RASGRF2: variants seen among roughly 807,000 people sequenced by gnomAD.
The protein encoded by RASGRF2 is ras-specific guanine nucleotide-releasing factor 2.
RASGRF2 carries 76 observed loss-of-function variants against 151.0 expected under a neutral mutation model. That is an observed-to-expected ratio of 0.50 (90% confidence interval 0.42 to 0.61). The LOEUF (loss-of-function observed/expected upper bound fraction) is 0.61. RASGRF2 is among the 20% of genes least tolerant of loss of function. RASGRF2 has a pLI of 0.00. For synonymous variants in RASGRF2, 504 were observed against 566.5 expected (o/e 0.89, Z 1.57); for missense variants, 1,148 against 1,564.6 (o/e 0.73, Z 4.49).
At chr5:81,212,232 TA>T in intron 22 of RASGRF2, 133 bp from the exon 23 acceptor site, 1 of 601,464 alleles carries the variant, frequency 1.7e-6, no homozygotes, top group Non-Finnish European at 2.9e-6. Flanking sequence ...AGTTGGTATC[TA>T]AATGTAGAAT....
chr5:81,084,501 G>A (rs1360264854), intron 7 of RASGRF2, among the ~76,000 whole-genome samples: 3 of 152,138 alleles, frequency 2.0e-5, no homozygotes, highest in East Asian at 1.9e-4. Flanking sequence ...ACCCTTCCAC[G>A]ATGAAGGGGG....
At chr5:81,075,654 C>T (rs1751916452) in intron 5 of RASGRF2, among the ~76,000 whole-genome samples, 1 of 152,088 alleles carries the variant, frequency 6.6e-6, no homozygotes, top group Non-Finnish European at 1.5e-5. Flanking sequence ...TTACTGTTTA[C>T]TAAATGGTAA....
chr5:81,063,007 G>C (rs1160036190), intron 2 of RASGRF2, among the ~76,000 whole-genome samples: 1 of 150,646 alleles, frequency 6.6e-6, no homozygotes, highest in Admixed American at 6.6e-5. Flanking sequence ...TTGCCACCTA[G>C]AATTCCAAGT....
chr5:81,195,391 G>C lies in RASGRF2; in HGVS notation c.2794-5939G>C, dbSNP rs75064654. 4.6e-3 allele frequency among the ~76,000 whole-genome samples: 698 copies of C among 152,312 alleles called. 9 individuals carry two copies. Among genetic ancestry groups the C allele is most frequent in the East Asian group, 0.033 (171 of 5,184 alleles). On this transcript the variant is annotated intron_variant, in intron 18 of 26. Transcript: ENST00000265080. Reference sequence around the variant, plus strand: ...AATCACTTATCTCTGGATTTAAATAGGGCAAATGTCTTTTTGCTGCTTTAG... The same window carrying C: ...AATCACTTATCTCTGGATTTAAATACGGCAAATGTCTTTTTGCTGCTTTAG...
chr5:81,061,780 G>A lies in RASGRF2; in HGVS notation c.396-6252G>A, dbSNP rs570536412. ...ACCATCATTGCAGCCTTGATCTCCCGGGCTCAAGTTACCCTCCCGCCTTGG... is the reference window on the plus strand; with the variant it reads ...ACCATCATTGCAGCCTTGATCTCCCAGGCTCAAGTTACCCTCCCGCCTTGG... On this transcript the variant is annotated intron_variant, in intron 2 of 26. Transcript: ENST00000265080. Among the ~76,000 whole-genome samples, 7 of 151,834 alleles carry A rather than the reference G, an allele frequency of 4.6e-5. No homozygotes were observed. In the South Asian group the frequency reaches 6.2e-4, roughly 14 times the overall value.
In RASGRF2 at chr5:81,230,073, A is replaced by G. The variant is rs1157679077; in HGVS notation, c.*4303A>G. ...AATTTGTGGACATTTGTGATTGGAC[A>G]GAGGGGTTTGTGCTGTGGCCTAACA... On this transcript the variant is annotated 3_prime_UTR_variant, in exon 27 of 27. Transcript: ENST00000265080. 6.6e-6 allele frequency: 1 copy of G among 152,224 alleles called. No homozygotes were observed. Among genetic ancestry groups the G allele is most frequent in the Admixed American group, 6.5e-5 (1 of 15,282 alleles). 9.4% of individuals were successfully genotyped at this position (152,224 alleles called of 1,614,324 possible).
chr5:81,159,640 G>C lies in RASGRF2; in HGVS notation c.2687-20535G>C, dbSNP rs1754337742. 2.6e-5 allele frequency among the ~76,000 whole-genome samples: 4 copies of C among 152,290 alleles called. No individual in the cohort carries two copies. In the South Asian group the frequency reaches 8.3e-4, roughly 32 times the overall value. On this transcript the variant is annotated intron_variant, in intron 17 of 26. Coordinates refer to ENST00000265080, the MANE Select transcript of RASGRF2 (RefSeq NM_006909.3). ...TGAAACGTTCTATAATTGGATTGTG[G>C]TTATGATTGCAAAACTATAAATTTA...
chr5:81,063,967 G>A (rs1416848672), intron 2 of RASGRF2, among the ~76,000 whole-genome samples: 1 of 152,084 alleles, frequency 6.6e-6, no homozygotes, highest in Non-Finnish European at 1.5e-5. Context: ...TTGGGGCTGT[G>A]TTTGTTATCT....
chr5:81,177,952 C>G (rs1754813039), intron 17 of RASGRF2, among the ~76,000 whole-genome samples: 1 of 152,162 alleles, frequency 6.6e-6, no homozygotes, highest in Admixed American at 6.5e-5. Flanking sequence ...GGAGCTAGGG[C>G]TAAACCACCA....
At chr5:81,179,167 A>C (rs981251854) in intron 17 of RASGRF2, among the ~76,000 whole-genome samples, 7 of 152,216 alleles carry the variant, frequency 4.6e-5, no homozygotes, top group Non-Finnish European at 1.0e-4. Context: ...AAAATATTAA[A>C]ATGGTTTCTT....
chr5:81,229,224 T>A lies in RASGRF2; in HGVS notation c.*3454T>A, dbSNP rs1756061771. 1 of 152,228 alleles carries A rather than the reference T, an allele frequency of 6.6e-6. No homozygotes were observed. The highest frequency in any genetic ancestry group is 1.5e-5 in the Non-Finnish European group (1 of 68,034). The allele number at this position is 152,228 out of a possible 1,614,324, so 9.4% of individuals were successfully genotyped here. ...CTTCACTTTAAAGTATAAAGGTTTT[T>A]AAAAATCCAATTGCAAAATGTATTA... On this transcript the variant is annotated 3_prime_UTR_variant, in exon 27 of 27. Coordinates refer to ENST00000265080, the MANE Select transcript of RASGRF2 (RefSeq NM_006909.3).
chr5:81,212,465 T>C lies in RASGRF2; in HGVS notation c.3256T>C (p.Cys1086Arg). The change falls in exon 23 of 27, where the codon TGC becomes CGC. Residue 1086 changes from cysteine (C) to arginine (R), a missense_variant. Cys to Arg is a radical substitution (Grantham distance 180). Coordinates refer to ENST00000265080, the MANE Select transcript of RASGRF2 (RefSeq NM_006909.3). ...KWVAVADICRCLHNYNGVLEI... is the reference protein window; with the variant it reads ...KWVAVADICRRLHNYNGVLEI... ...GGTGGCAGTGGCGGACATCTGCCGATGCCTGCACAACTACAACGGCGTGCT... is the reference window on the plus strand; with the variant it reads ...GGTGGCAGTGGCGGACATCTGCCGACGCCTGCACAACTACAACGGCGTGCT... The C allele has an allele frequency of 6.2e-7, 1 of 1,613,836 alleles. No individual in the cohort carries two copies. The highest frequency in any genetic ancestry group is 8.5e-7 in the Non-Finnish European group (1 of 1,179,904).
intron 2 of RASGRF2, among the ~76,000 whole-genome samples, chr5:81,047,112 G>T (rs996037198): frequency 1.3e-5 from 2 of 151,986 alleles, no homozygotes; most frequent in African/African-American, 2.4e-5. Flanking sequence ...TTTGGGAGAA[G>T]AAATGATGAA....
intron 17 of RASGRF2, among the ~76,000 whole-genome samples, chr5:81,157,108 GTAATCC>G (rs1392213618): frequency 6.6e-6 from 1 of 152,098 alleles, no homozygotes; most frequent in Non-Finnish European, 1.5e-5. Flanking sequence ...GCTCACACTT[GTAATCC>G]CAGCACTTTG....
intron 1 of RASGRF2, among the ~76,000 whole-genome samples, chr5:80,979,393 T>C (rs1451464500): frequency 6.6e-6 from 1 of 152,230 alleles, no homozygotes; most frequent in East Asian, 1.9e-4. Flanking sequence ...TTCATTGTAA[T>C]TAAAGTGCCT....
At chr5:80,962,260 C>T (rs1417721075) in intron 1 of RASGRF2, among the ~76,000 whole-genome samples, 1 of 152,128 alleles carries the variant, frequency 6.6e-6, no homozygotes, top group Non-Finnish European at 1.5e-5. Context: ...TCTTTAGTTT[C>T]TGAGGGCTTG....
At chr5:80,980,679 C>T (rs1748270400) in intron 1 of RASGRF2, among the ~76,000 whole-genome samples, 2 of 148,906 alleles carry the variant, frequency 1.3e-5, no homozygotes, top group South Asian at 4.3e-4. Flanking sequence ...AAGAGGATAC[C>T]ACTGATTTCT....
chr5:81,128,316 C>T (rs1030791527), intron 17 of RASGRF2, among the ~76,000 whole-genome samples: 5 of 152,132 alleles, frequency 3.3e-5, no homozygotes, highest in Non-Finnish European at 7.3e-5. Context: ...AGTGAGGTAA[C>T]AGATGTTAGT....
chr5:81,136,409 A>AC (rs1384254320), intron 17 of RASGRF2, among the ~76,000 whole-genome samples: 1 of 152,130 alleles, frequency 6.6e-6, no homozygotes, highest in Non-Finnish European at 1.5e-5. Flanking sequence ...ACTTCACTGA[A>AC]CATAGAACTC....
Sources: gnomAD v4.1 joint callset for allele counts (sites outside exome capture counted in the v4.1 genomes callset) on GRCh38, gnomAD v4.1.1 for gene constraint, MANE v1.5 for transcripts, NCBI Gene and HGNC (gene_info 2026-07-23, HGNC 2026-07-21) for gene names.